FBXO39: variants seen among roughly 807,000 people sequenced by gnomAD.
FBXO39 encodes F-box only protein 39.
FBXO39 carries 22 observed loss-of-function variants against 36.6 expected under a neutral mutation model. That is an observed-to-expected ratio of 0.60 (90% CI 0.43 to 0.86). The LOEUF (loss-of-function observed/expected upper bound fraction) is 0.86, where lower values mean the gene tolerates loss of function less well. Ranked by LOEUF, FBXO39 falls within the 40% of genes least tolerant of loss-of-function variation. The pLI, the probability that FBXO39 is intolerant of heterozygous loss-of-function variation, is 0.00. For synonymous variants in FBXO39, 206 were observed against 205.8 expected, an observed-to-expected ratio of 1.00 and a Z score of -0.01; for missense variants, 536 against 543.9, an observed-to-expected ratio of 0.99 and a Z score of 0.14.
intron 2 of FBXO39, among the ~76,000 whole-genome samples, chr17:6,781,132 T>C (rs4131934): frequency 0.67 from 102,376 of 152,144 alleles, 35,285 homozygotes; most frequent in African/African-American, 0.84. Flanking sequence ...AGCTGTCAGC[T>C]AGGGAAAACC....
rs1291046151 is a variant in FBXO39 at position 6,785,749 on chromosome 17, AG to A, written c.1024-1029del. ...TAAATGGCAAAATAAGTATATTAAAAGGTGCTCAACATCACTGATCATCAGA... is the reference window on the plus strand; with the variant it reads ...TAAATGGCAAAATAAGTATATTAAAAGTGCTCAACATCACTGATCATCAGA... On this transcript the variant is annotated intron_variant, in intron 2 of 3. Coordinates refer to ENST00000321535, the MANE Select transcript of FBXO39 (RefSeq NM_153230.3). Among the ~76,000 whole-genome samples, 4 of 151,664 alleles carry A rather than the reference AG, an allele frequency of 2.6e-5. No homozygotes were observed. In the East Asian group the frequency reaches 7.7e-4, roughly 29 times the overall value.
intron 1 of FBXO39, among the ~76,000 whole-genome samples, chr17:6,776,809 A>G (rs1976422847): frequency 1.3e-5 from 2 of 152,180 alleles, no homozygotes; most frequent in Middle Eastern, 3.4e-3. Context: ...TTATTACCCC[A>G]TATACAGATG....
At chr17:6,783,575 A>C (rs1165091110) in intron 2 of FBXO39, among the ~76,000 whole-genome samples, 2 of 152,122 alleles carry the variant, frequency 1.3e-5, no homozygotes, top group African/African-American at 4.8e-5. Context: ...GAGACATTAC[A>C]ACCAATACCA....
chr17:6,783,056 A>C (rs559955278), intron 2 of FBXO39, among the ~76,000 whole-genome samples: 1 of 152,290 alleles, frequency 6.6e-6, no homozygotes, highest in African/African-American at 2.4e-5. Flanking sequence ...AAAAAATTGA[A>C]ATTATAGCAA....
chr17:6,777,452 T>C (rs981794464), intron 1 of FBXO39, among the ~76,000 whole-genome samples: 6 of 152,234 alleles, frequency 3.9e-5, no homozygotes, highest in Admixed American at 3.3e-4. Context: ...TTCTTTTTTA[T>C]GGCTGCATAG....
rs1361260344 is a variant in FBXO39, at chr17:6,787,364, GGAAGT to G, written c.1266_1270del (p.Lys423GlnfsTer9). ...GACAAGACCCTGCAGGAAATTTACA[GGAAGT>G]ACAGAAAGCTGATCGAATCAGAGCT... On this transcript the variant is annotated frameshift_variant, in exon 4 of 4. Transcript: ENST00000321535. LOFTEE classifies it high-confidence loss of function. The G allele has an allele frequency of 6.2e-7, 1 of 1,614,098 alleles. No homozygotes were observed. The highest frequency in any genetic ancestry group is 1.7e-5 in the Admixed American group (1 of 60,016).
chr17:6,777,958 A>T (rs1003131720), intron 1 of FBXO39, among the ~76,000 whole-genome samples: 1 of 152,132 alleles, frequency 6.6e-6, no homozygotes, highest in Non-Finnish European at 1.5e-5. Flanking sequence ...GTGGTGAGAG[A>T]AAGTGATGGC....
Position 6,787,606 on chromosome 17 carries a change from G to C in FBXO39, c.*178G>C. 1 of 606,128 alleles carries C rather than the reference G, an allele frequency of 1.6e-6. No individual in the cohort carries two copies. Among genetic ancestry groups the C allele is most frequent in the Non-Finnish European group, 2.8e-6 (1 of 359,886 alleles). 37.5% of individuals were successfully genotyped at this position (606,128 alleles called of 1,614,324 possible). On this transcript the variant is annotated 3_prime_UTR_variant, in exon 4 of 4. Transcript: ENST00000321535. ...CAAAGGCTGAGACTGCCCATGACCT[G>C]AAGGCTCCAGGTGGCTTTAAAGCGC...
At position 6,787,581 on chromosome 17, in the gene FBXO39, CAAAG is replaced by C; in HGVS notation, c.*154_*157del. The C allele has an allele frequency of 2.4e-6, 2 of 833,852 alleles. No homozygotes were observed. The highest frequency in any genetic ancestry group is 1.7e-5 in the African/African-American group (1 of 58,102). 51.7% of individuals were successfully genotyped at this position (833,852 alleles called of 1,614,324 possible). On this transcript the variant is annotated 3_prime_UTR_variant, in exon 4 of 4. Coordinates refer to ENST00000321535, the MANE Select transcript of FBXO39 (RefSeq NM_153230.3). ...CTCCATGACAACATGACCAGCTCAG[CAAAG>C]GCTGAGACTGCCCATGACCTGAAGG...
chr17:6,779,666 G>T, intron 1 of FBXO39, 123 bp from the exon 2 acceptor site: 1 of 595,608 alleles, frequency 1.7e-6, no homozygotes, highest in Non-Finnish European at 3.0e-6. Flanking sequence ...TGTCATGAAT[G>T]TATCATTGAA....
At position 6,787,048 on chromosome 17, in the gene FBXO39, G is replaced by T. The variant is rs77581560; in HGVS notation, c.1200+92G>T. 2,223 of 1,418,662 alleles carry T rather than the reference G, an allele frequency of 1.6e-3. 29 individuals are homozygous for T. In the African/African-American group the frequency reaches 0.028, roughly 18 times the overall value. 87.9% of individuals were successfully genotyped at this position (1,418,662 alleles called of 1,614,324 possible). A position where few individuals can be genotyped will look rare whatever the true frequency, so the allele number is the denominator to read the frequency against. ...GGAACGAAGGGCTGAATAAGGCAGT[G>T]GGGGACAATCATCTGTTCATTGAAA... is the stretch of plus-strand genomic sequence containing the variant. On this transcript the variant is annotated intron_variant, in intron 3 of 3. Transcript: ENST00000321535.
rs541072847 is a variant in FBXO39, at chr17:6,787,596, C to T, written c.*168C>T. ...ACCAGCTCAGCAAAGGCTGAGACTG[C>T]CCATGACCTGAAGGCTCCAGGTGGC... On this transcript the variant is annotated 3_prime_UTR_variant, in exon 4 of 4. Coordinates refer to ENST00000321535, the MANE Select transcript of FBXO39 (RefSeq NM_153230.3). 6 of 667,104 alleles carry T rather than the reference C, an allele frequency of 9.0e-6. No individual in the cohort carries two copies. The highest frequency in any genetic ancestry group is 8.8e-5 in the Admixed American group (3 of 33,950). The allele number at this position is 667,104 out of a possible 1,614,324, so 41.3% of individuals were successfully genotyped here.
rs1976576794 is a variant in FBXO39 at position 6,786,731 on chromosome 17, G to A, written c.1024-49G>A. Reference sequence around the variant, plus strand: ...GAAATGTTACAGAACAACTCAGCCAGGCTCAGCATCTCTGCCCACACACAT... The same window carrying A: ...GAAATGTTACAGAACAACTCAGCCAAGCTCAGCATCTCTGCCCACACACAT... On this transcript the variant is annotated intron_variant, in intron 2 of 3. Coordinates refer to ENST00000321535, the MANE Select transcript of FBXO39 (RefSeq NM_153230.3). 2.7e-6 allele frequency: 4 copies of A among 1,509,238 alleles called. No individual in the cohort carries two copies. The South Asian group carries it at 5.2e-5, about 20-fold the overall frequency. The allele number at this position is 1,509,238 out of a possible 1,614,324, so 93.5% of individuals were successfully genotyped here. A position where few individuals can be genotyped will look rare whatever the true frequency, so the allele number is the denominator to read the frequency against.
chr17:6,777,056 C>G (rs1045438852), intron 1 of FBXO39, among the ~76,000 whole-genome samples: 2 of 152,084 alleles, frequency 1.3e-5, no homozygotes, highest in African/African-American at 4.8e-5. Context: ...GACCTACAAC[C>G]TTGCTAGGCC....
At chr17:6,778,223 G>T (rs1976457784) in intron 1 of FBXO39, among the ~76,000 whole-genome samples, 1 of 152,204 alleles carries the variant, frequency 6.6e-6, no homozygotes, top group Non-Finnish European at 1.5e-5. Flanking sequence ...CACACATACA[G>T]ACAAAAAGAC....
chr17:6,781,033 C>G (rs1976503892), intron 2 of FBXO39, 142 bp downstream of exon 2: 1 of 835,706 alleles, frequency 1.2e-6, no homozygotes, highest in African/African-American at 1.7e-5. Flanking sequence ...ACCAACTAAG[C>G]CTCCTGCCCT....
chr17:6,787,410 C>T lies in FBXO39; in HGVS notation c.1311C>T (p.Ile437=), dbSNP rs140850329. Residue 437 remains isoleucine, a synonymous_variant, in exon 4 of 4, where the codon ATC becomes ATT. Coordinates refer to ENST00000321535, the MANE Select transcript of FBXO39 (RefSeq NM_153230.3). ...LIESELSYFV[I]VYSVM Reference sequence around the variant, plus strand: ...AATCAGAGCTTAGCTATTTTGTCATCGTTTACTCTGTGATGTAATGAGCAC... The same window carrying T: ...AATCAGAGCTTAGCTATTTTGTCATTGTTTACTCTGTGATGTAATGAGCAC... The T allele has an allele frequency of 3.4e-5, 55 of 1,613,978 alleles. No individual in the cohort carries two copies. The highest frequency in any genetic ancestry group is 2.3e-4 in the Admixed American group (14 of 59,992).
chr17:6,777,503 C>T (rs34461127), intron 1 of FBXO39, among the ~76,000 whole-genome samples: 8,571 of 152,162 alleles, frequency 0.056, 299 homozygotes, highest in East Asian at 0.08. Context: ...TTAATCCTGT[C>T]GATCATTGAT....
intron 1 of FBXO39, among the ~76,000 whole-genome samples, chr17:6,779,184 A>G (rs1422129340): frequency 6.6e-6 from 1 of 152,186 alleles, no homozygotes. Flanking sequence ...TCTGGCCTCT[A>G]GGACATAATC....
Sources: gnomAD v4.1 joint callset for allele counts (sites outside exome capture counted in the v4.1 genomes callset) on GRCh38, gnomAD v4.1.1 for gene constraint, MANE v1.5 for transcripts, NCBI Gene and HGNC (gene_info 2026-07-23, HGNC 2026-07-21) for gene names.